TSNARE1: variants seen among roughly 807,000 people sequenced by gnomAD.
TSNARE1 encodes t-SNARE domain-containing protein 1.
Under a neutral mutation model 62.0 loss-of-function variants are expected in TSNARE1, and 49 were observed. That is an observed-to-expected ratio of 0.79 (90% CI 0.63 to 1.00). The LOEUF is 1.00. TSNARE1 is among the 50% of genes least tolerant of loss of function. The pLI, the probability that TSNARE1 is intolerant of heterozygous loss-of-function variation, is 0.00. For missense variants in TSNARE1, 755 were observed against 700.1 expected (o/e 1.08, Z -0.88); for synonymous variants, 328 against 294.4 (o/e 1.11, Z -1.17).
intron 5 of TSNARE1, 21 bp from the exon 6 acceptor site, chr8:142,330,991 AG>A (rs1252645672): frequency 6.2e-7 from 1 of 1,612,484 alleles, no homozygotes; most frequent in Non-Finnish European, 8.5e-7. Context: ...GAAGAGGGAC[AG>A]GGTGAGGGCA....
intron 12 of TSNARE1, among the ~76,000 whole-genome samples, chr8:142,265,538 T>A (rs1819091587): frequency 6.6e-6 from 1 of 152,210 alleles, no homozygotes; most frequent in Non-Finnish European, 1.5e-5. Context: ...CCATGGCAGA[T>A]AAAGACACGA....
intron 12 of TSNARE1, among the ~76,000 whole-genome samples, chr8:142,253,016 C>A (rs1472891487): frequency 6.6e-6 from 1 of 152,234 alleles, no homozygotes; most frequent in Non-Finnish European, 1.5e-5. Flanking sequence ...CTGCCCTGCC[C>A]ACGTCCCCTC....
rs1200764479 is a variant in TSNARE1 at position 142,291,603 on chromosome 8, C to T, written c.1291-7118G>A. On this transcript the variant is annotated intron_variant, in intron 10 of 13. Transcript: ENST00000524325. This position sits in a 1 kb window ranked among gnomAD's most constrained non-coding sequence, Gnocchi z 4.8. The stretch of plus-strand genomic sequence containing the variant: ...CACTGGGTGCCAGGCAGCGTCAGGC[C>T]GGTGAGCTGCTGCGAACGCAGACGT... Among the ~76,000 whole-genome samples the T allele has an allele frequency of 6.6e-5, 10 of 152,132 alleles. No homozygotes were observed. Among genetic ancestry groups the T allele is most frequent in the Admixed American group, 1.3e-4 (2 of 15,288 alleles).
Position 142,354,760 on chromosome 8 carries a change from T to C in TSNARE1, c.-36A>G. The C allele has an allele frequency of 1.3e-6, 2 of 1,539,394 alleles. No homozygotes were observed. The highest frequency in any genetic ancestry group is 1.1e-5 in the South Asian group (1 of 89,522). ...ATGGCAGGGCCAGCAGCCTCCACACTGAGCTGGAGGAAACACGAAAAGCAG... is the reference window on the plus strand; with the variant it reads ...ATGGCAGGGCCAGCAGCCTCCACACCGAGCTGGAGGAAACACGAAAAGCAG... On this transcript the variant is annotated 5_prime_UTR_variant, in exon 2 of 14. Transcript: ENST00000524325.
chr8:142,220,609 G>C (rs1404769454), intron 13 of TSNARE1, among the ~76,000 whole-genome samples: 1 of 152,224 alleles, frequency 6.6e-6, no homozygotes, highest in South Asian at 2.1e-4. Context: ...TCGGGCTTCT[G>C]ATCCGCTCAG....
intron 5 of TSNARE1, 152 bp from the exon 6 acceptor site, chr8:142,331,122 GC>G: frequency 1.5e-6 from 1 of 656,696 alleles, no homozygotes; most frequent in Non-Finnish European, 2.7e-6. Context: ...TGGCCTGGAG[GC>G]CAGGGTCCAC....
At chr8:142,279,732 C>T (rs1821100844) in intron 11 of TSNARE1, 1 of 322,210 alleles carries the variant, frequency 3.1e-6, no homozygotes, top group Non-Finnish European at 4.5e-6. Context: ...TCTCCATGGG[C>T]CTCTGGGTCT....
chr8:142,290,805 C>T (rs962820678), intron 10 of TSNARE1, among the ~76,000 whole-genome samples: 4 of 152,234 alleles, frequency 2.6e-5, no homozygotes, highest in East Asian at 1.9e-4. Context: ...TCCCATCCTC[C>T]GCCCTCCCGG....
At chr8:142,259,870 G>A (rs1450018154) in intron 12 of TSNARE1, among the ~76,000 whole-genome samples, 1 of 152,166 alleles carries the variant, frequency 6.6e-6, no homozygotes, top group Non-Finnish European at 1.5e-5. Context: ...GGCACCTAGG[G>A]GATGCCTCGT....
intron 3 of TSNARE1, 35 bp downstream of exon 3, chr8:142,345,708 C>G: frequency 6.5e-7 from 1 of 1,534,246 alleles, no homozygotes; most frequent in Non-Finnish European, 8.8e-7. Context: ...GCCGCCTTCC[C>G]AGGACCCCTG....
At chr8:142,358,898 C>T (rs968765322) in intron 1 of TSNARE1, among the ~76,000 whole-genome samples, 5 of 152,076 alleles carry the variant, frequency 3.3e-5, no homozygotes, top group African/African-American at 7.2e-5. Context: ...CCCCATCCTG[C>T]GCTGGCCCAG....
upstream of TSNARE1, chr8:142,404,319 CTG>C (rs143719366): frequency 0.82 from 125,151 of 152,276 alleles, 51,508 homozygotes; most frequent in Middle Eastern, 0.86. Context: ...CTGCGTGGTA[CTG>C]TGTGCACACA....
chr8:142,227,398 G>T (rs1816884850), intron 13 of TSNARE1, among the ~76,000 whole-genome samples: 1 of 60,872 alleles, frequency 1.6e-5, no homozygotes, highest in African/African-American at 3.8e-5. Context: ...AATAGCCCCA[G>T]TGACAGCCAG....
intron 12 of TSNARE1, among the ~76,000 whole-genome samples, chr8:142,238,069 T>C (rs889175811): frequency 3.9e-5 from 6 of 151,936 alleles, no homozygotes; most frequent in Admixed American, 3.3e-4. Flanking sequence ...CCGCTTCACC[T>C]AATGCTGTGA....
chr8:142,277,590 G>A (rs910549028), intron 11 of TSNARE1: 70 of 985,392 alleles, frequency 7.1e-5, no homozygotes, highest in African/African-American at 2.1e-4. Context: ...CTGCCTCTGC[G>A]CCCACAAGAG....
intron 1 of TSNARE1, among the ~76,000 whole-genome samples, chr8:142,374,570 C>T (rs186511064): frequency 5.3e-5 from 8 of 150,902 alleles, no homozygotes; most frequent in African/African-American, 2.0e-4. Context: ...TCCCAGGCTA[C>T]TCGGGAAGCT....
chr8:142,278,035 G>A, intron 11 of TSNARE1: 2 of 985,386 alleles, frequency 2.0e-6, no homozygotes, highest in Non-Finnish European at 1.2e-6. Context: ...CAATGGGGGT[G>A]GATCCAGCCA....
intron 9 of TSNARE1, among the ~76,000 whole-genome samples, chr8:142,313,553 A>T (rs2131593913): frequency 6.6e-6 from 1 of 150,846 alleles, no homozygotes; most frequent in East Asian, 2.0e-4. Context: ...ATGTCTGTTT[A>T]CCTGCATGTG....
intron 12 of TSNARE1, chr8:142,271,352 AGT>A: frequency 8.4e-7 from 1 of 1,191,672 alleles, no homozygotes. Context: ...CTGGGCCATG[AGT>A]GTGCTCTGCT....
Sources: gnomAD v4.1 joint callset for allele counts (sites outside exome capture counted in the v4.1 genomes callset) on GRCh38, gnomAD v4.1.1 for gene constraint, Gnocchi (gnomAD v3.1) non-coding constraint, MANE v1.5 for transcripts, NCBI Gene and HGNC (gene_info 2026-07-23, HGNC 2026-07-21) for gene names.